The following TOM1 variants were observed in gnomAD, a reference collection of about 807,000 sequenced individuals.
TOM1 encodes the protein target of myb1 membrane trafficking protein.
Under a neutral mutation model 61.3 loss-of-function variants are expected in TOM1, and 38 were observed. That is an observed-to-expected ratio of 0.62 (90% confidence interval 0.48 to 0.81). The LOEUF is 0.81. TOM1 is among the 40% of genes least tolerant of loss of function. TOM1 has a pLI of 0.00. For synonymous variants in TOM1, 270 were observed against 268.8 expected, an observed-to-expected ratio of 1.00 and a Z score of -0.04; for missense variants, 591 against 659.6, an observed-to-expected ratio of 0.90 and a Z score of 1.14.
intron 1 of TOM1, among the ~76,000 whole-genome samples, chr22:35,313,862 C>G (rs563700786): frequency 6.6e-6 from 1 of 152,202 alleles, no homozygotes; most frequent in Non-Finnish European, 1.5e-5. Context: ...TTGCAGGGCC[C>G]GGTTCTGTCA....
In TOM1 at chr22:35,338,697, G is replaced by A. The variant is rs1331712229; in HGVS notation, c.1149-16G>A. 3.9e-6 allele frequency: 6 copies of A among 1,540,734 alleles called. No individual in the cohort carries two copies. In the East Asian group the frequency reaches 9.8e-5, roughly 25 times the overall value. On this transcript the variant is annotated splice_polypyrimidine_tract_variant and intron_variant, in intron 11 of 14. Coordinates refer to ENST00000449058, the MANE Select transcript of TOM1 (RefSeq NM_005488.3). The stretch of plus-strand genomic sequence containing the variant: ...GGTAAGGGCAGCATCCAATGGCTTG[G>A]TGGTCTCTCTTTCAGGGTAAAATAC...
At chr22:35,311,414 A>G (rs1926808000) in intron 1 of TOM1, among the ~76,000 whole-genome samples, 1 of 152,214 alleles carries the variant, frequency 6.6e-6, no homozygotes, top group South Asian at 2.1e-4. Context: ...GGTGGGTTTG[A>G]CAGCTCCACG....
At position 35,323,578 on chromosome 22, in the gene TOM1, A is replaced by G. The variant is rs767539597; in HGVS notation, c.449A>G (p.Glu150Gly). 20 of 1,614,052 alleles carry G rather than the reference A, an allele frequency of 1.2e-5. No individual in the cohort carries two copies. Among genetic ancestry groups the G allele is most frequent in the Non-Finnish European group, 7.6e-6 (9 of 1,180,020 alleles). Residue 150 changes from glutamate (E) to glycine (G), a missense_variant, in exon 5 of 15, where the codon GAG (glutamate) becomes GGG (glycine). Physicochemically the swap from Glu to Gly is moderately conservative, Grantham distance 98. Coordinates refer to ENST00000449058, the MANE Select transcript of TOM1 (RefSeq NM_005488.3). The surrounding 1 kb of genome is among the most constrained non-coding windows in gnomAD (Gnocchi z 4.2). ...GAGGACCTGCGGAGGAAAGGCCTGGAGTTCCCCATGACTGACCTGGACATG... is the reference window on the plus strand; with the variant it reads ...GAGGACCTGCGGAGGAAAGGCCTGGGGTTCCCCATGACTGACCTGGACATG... The part of the protein sequence containing the change: ...IYEDLRRKGL[E>G]FPMTDLDMLS...
At chr22:35,326,816 GA>G (rs766180887) in intron 6 of TOM1, among the ~76,000 whole-genome samples, 4 of 152,006 alleles carry the variant, frequency 2.6e-5, no homozygotes, top group East Asian at 3.9e-4. Context: ...GGAGGAGAGA[GA>G]GGGGGGGATC....
Position 35,312,438 on chromosome 22 carries a change from C to T in TOM1, c.53-5439C>T, listed in dbSNP as rs73402471. ...GGACCTTGCTGGATTTGCTCACTGACGTCTCCCTGTAGCCTGGACAGGTGT... is the reference window on the plus strand; with the variant it reads ...GGACCTTGCTGGATTTGCTCACTGATGTCTCCCTGTAGCCTGGACAGGTGT... On this transcript the variant is annotated intron_variant, in intron 1 of 14. Coordinates refer to ENST00000449058, the MANE Select transcript of TOM1 (RefSeq NM_005488.3). Among the ~76,000 whole-genome samples, 1,396 of 152,296 alleles carry T rather than the reference C, an allele frequency of 9.2e-3. 14 individuals are homozygous for T. The highest frequency in any genetic ancestry group is 0.032 in the African/African-American group (1,333 of 41,562).
intron 11 of TOM1, among the ~76,000 whole-genome samples, chr22:35,336,500 T>G (rs1358144679): frequency 6.6e-6 from 1 of 152,214 alleles, no homozygotes; most frequent in Non-Finnish European, 1.5e-5. Context: ...GTCACAGCCT[T>G]CCTGCAGCCA....
chr22:35,327,779 C>T (rs1379187200), intron 7 of TOM1, among the ~76,000 whole-genome samples: 6 of 152,248 alleles, frequency 3.9e-5, no homozygotes, highest in East Asian at 1.9e-4. Context: ...ATTCAGAATC[C>T]GAGACTCAGC....
At chr22:35,328,424 C>T (rs986730557) in intron 7 of TOM1, among the ~76,000 whole-genome samples, 4 of 152,190 alleles carry the variant, frequency 2.6e-5, no homozygotes, top group Non-Finnish European at 2.9e-5. Flanking sequence ...TGGTTCACAT[C>T]GCTCACGTAA....
chr22:35,318,244 AT>A, intron 2 of TOM1: 1 of 529,300 alleles, frequency 1.9e-6, no homozygotes, highest in Non-Finnish European at 3.4e-6. Context: ...TGTGTGCAGC[AT>A]CTGCCTAGGA....
intron 12 of TOM1, among the ~76,000 whole-genome samples, chr22:35,342,382 TC>T (rs982146477): frequency 9.2e-5 from 14 of 151,938 alleles, no homozygotes; most frequent in African/African-American, 3.1e-4. Flanking sequence ...GACTCTCGTC[TC>T]CCTCCACTCT....
At chr22:35,318,512 A>G (rs1333768774) in intron 2 of TOM1, among the ~76,000 whole-genome samples, 2 of 152,226 alleles carry the variant, frequency 1.3e-5, no homozygotes, top group Non-Finnish European at 2.9e-5. Context: ...CGTCTTGCTC[A>G]GTGCCAAGGA....
At chr22:35,312,760 C>T (rs1016249361) in intron 1 of TOM1, among the ~76,000 whole-genome samples, 3 of 152,126 alleles carry the variant, frequency 2.0e-5, no homozygotes, top group Non-Finnish European at 4.4e-5. Context: ...AGCTCAGAGG[C>T]GTGAGAGGGC....
At position 35,322,001 on chromosome 22, in the gene TOM1, G is replaced by T; in HGVS notation, c.180G>T (p.Gly60=). ...GAGCAGTAAAGAAGAGAATCGTGGGGAATAAGAACTTCCACGAGGTGATGC... is the reference window on the plus strand; with the variant it reads ...GAGCAGTAAAGAAGAGAATCGTGGGTAATAAGAACTTCCACGAGGTGATGC... ...ALRAVKKRIV[G]NKNFHEVMLA... is the part of the protein sequence containing the mutation. Residue 60 remains glycine (G), a synonymous_variant, in exon 3 of 15, where the codon GGG becomes GGT. Coordinates refer to ENST00000449058, the MANE Select transcript of TOM1 (RefSeq NM_005488.3). The T allele has an allele frequency of 1.2e-6, 2 of 1,614,174 alleles. No individual in the cohort carries two copies. The highest frequency in any genetic ancestry group is 1.7e-6 in the Non-Finnish European group (2 of 1,180,018).
rs142548408 is a variant in TOM1 at position 35,345,346 on chromosome 22, C to T, written c.1225-379C>T. 1.0e-3 allele frequency: 282 copies of T among 273,770 alleles called. 2 individuals carry two copies. The highest frequency in any genetic ancestry group is 5.8e-3 in the African/African-American group (273 of 46,852). 17.0% of individuals were successfully genotyped at this position (273,770 alleles called of 1,614,324 possible). A position where few individuals can be genotyped will look rare whatever the true frequency, so the allele number is the denominator to read the frequency against. ...GCCTGGGGTCTGACCCTGGGCTTGGCGTGTCTTTTGTCAGATGCTCCTGAG... is the reference window on the plus strand; with the variant it reads ...GCCTGGGGTCTGACCCTGGGCTTGGTGTGTCTTTTGTCAGATGCTCCTGAG... On this transcript the variant is annotated intron_variant, in intron 12 of 14. Transcript: ENST00000449058.
intron 1 of TOM1, among the ~76,000 whole-genome samples, chr22:35,305,186 G>A (rs747262658): frequency 4.6e-5 from 7 of 152,216 alleles, no homozygotes; most frequent in Admixed American, 6.5e-5. Context: ...GCTGGGAGGC[G>A]GGACACCTGG....
At chr22:35,304,627 C>T (rs955062866) in intron 1 of TOM1, among the ~76,000 whole-genome samples, 3 of 152,148 alleles carry the variant, frequency 2.0e-5, no homozygotes, top group Admixed American at 6.5e-5. Context: ...TACAGGCACC[C>T]GCCACCACAC....
In TOM1 at chr22:35,347,368, G is replaced by T. The variant is rs936142562; in HGVS notation, c.*159G>T. 8.3e-6 allele frequency: 6 copies of T among 720,114 alleles called. No homozygotes were observed. The highest frequency in any genetic ancestry group is 7.2e-5 in the African/African-American group (4 of 55,700). 44.6% of individuals were successfully genotyped at this position (720,114 alleles called of 1,614,324 possible). On this transcript the variant is annotated 3_prime_UTR_variant, in exon 15 of 15. Coordinates refer to ENST00000449058, the MANE Select transcript of TOM1 (RefSeq NM_005488.3). ...GGAGCTGCCCCAGCTGTGGCTGGGGGTGTGGAGGCAGTGGGATGAACTGGG... is the reference window on the plus strand; with the variant it reads ...GGAGCTGCCCCAGCTGTGGCTGGGGTTGTGGAGGCAGTGGGATGAACTGGG...
intron 1 of TOM1, among the ~76,000 whole-genome samples, chr22:35,313,956 C>G (rs950153088): frequency 1.3e-5 from 2 of 152,234 alleles, no homozygotes; most frequent in Admixed American, 6.5e-5. Context: ...TTGTCATTCT[C>G]TTGGTAACTG....
At chr22:35,345,537 A>C in intron 12 of TOM1, 188 bp from the exon 13 acceptor site, 2 of 624,026 alleles carry the variant, frequency 3.2e-6, no homozygotes, top group Non-Finnish European at 5.8e-6. Flanking sequence ...TCCCCTGCTT[A>C]GTCTCCTGGC....
Sources: gnomAD v4.1 joint callset for allele counts (sites outside exome capture counted in the v4.1 genomes callset) on GRCh38, gnomAD v4.1.1 for gene constraint, Gnocchi (gnomAD v3.1) non-coding constraint, MANE v1.5 for transcripts, NCBI Gene and HGNC (gene_info 2026-07-23, HGNC 2026-07-21) for gene names.